Variants in PTPRN2 observed in about 807,000 individuals in gnomAD.
PTPRN2 encodes protein tyrosine phosphatase receptor type N2.
A neutral mutation model predicts 118.8 loss-of-function variants in PTPRN2; 74 were observed. The ratio of observed to expected loss-of-function variants is 0.62; its 90% CI spans 0.52 to 0.76. PTPRN2 has a LOEUF of 0.76. PTPRN2 is among the 30% of genes least tolerant of loss of function. The pLI is 0.00. For synonymous variants in PTPRN2, 641 were observed against 608.0 expected (o/e 1.05, Z -0.80); for missense variants, 1,481 against 1,394.4 (o/e 1.06, Z -0.99).
At chr7:158,217,978 C>G (rs1828072035) in intron 3 of PTPRN2, among the ~76,000 whole-genome samples, 1 of 152,096 alleles carries the variant, frequency 6.6e-6, no homozygotes, top group Non-Finnish European at 1.5e-5. Context: ...ACTGGCATTT[C>G]TGAAAGAGAA....
rs1195535467 is a variant in PTPRN2 at position 157,953,629 on chromosome 7, C to G, written c.1724-54892G>C. 1.3e-5 allele frequency among the ~76,000 whole-genome samples: 2 copies of G among 152,102 alleles called. No individual in the cohort carries two copies. The highest frequency in any genetic ancestry group is 4.8e-5 in the African/African-American group (2 of 41,408). On this transcript the variant is annotated intron_variant, in intron 11 of 22. Transcript: ENST00000389418. The surrounding 1 kb of genome is among the most constrained non-coding windows in gnomAD (Gnocchi z 4.6). ...TGACACTGCCCTGCTTGGACACTCTCTGGACAGGAGACACCTCACCCCTCA... is the reference window on the plus strand; with the variant it reads ...TGACACTGCCCTGCTTGGACACTCTGTGGACAGGAGACACCTCACCCCTCA...
chr7:157,670,038 G>C (rs1259669365), intron 13 of PTPRN2, among the ~76,000 whole-genome samples: 1 of 152,210 alleles, frequency 6.6e-6, no homozygotes, highest in Non-Finnish European at 1.5e-5. Flanking sequence ...CCAGATCACG[G>C]CTCGCTCAGG....
chr7:158,086,108 C>A (rs1282886553), intron 10 of PTPRN2, among the ~76,000 whole-genome samples: 1 of 152,196 alleles, frequency 6.6e-6, no homozygotes, highest in African/African-American at 2.4e-5. Flanking sequence ...CCTTCTCCAC[C>A]AGGCGCTCCT....
intron 3 of PTPRN2, among the ~76,000 whole-genome samples, chr7:158,208,061 T>G (rs564735870): frequency 6.6e-6 from 1 of 152,254 alleles, no homozygotes; most frequent in South Asian, 2.1e-4. Flanking sequence ...AAAGAATTAG[T>G]GAGCTTGAAG....
chr7:158,103,497 A>C (rs1186574493), intron 10 of PTPRN2, among the ~76,000 whole-genome samples: 2 of 152,234 alleles, frequency 1.3e-5, no homozygotes, highest in Non-Finnish European at 2.9e-5. Context: ...GCGATGTCCG[A>C]GGCAGGGCCC....
Position 157,563,948 on chromosome 7 carries a change from C to T in PTPRN2, c.2902+4954G>A, listed in dbSNP as rs534695774. Among the ~76,000 whole-genome samples, 32 of 152,364 alleles carry T rather than the reference C, an allele frequency of 2.1e-4. No individual in the cohort carries two copies. In the Middle Eastern group the frequency reaches 0.02, roughly 97 times the overall value. ...AGGACCACATGCTCCCGCACACGCT[C>T]GAGGCAGCAGGCTCTCTGCTCCATG... On this transcript the variant is annotated intron_variant, in intron 21 of 22. Transcript: ENST00000389418.
intron 22 of PTPRN2, among the ~76,000 whole-genome samples, chr7:157,544,104 G>A (rs546980764): frequency 2.9e-4 from 44 of 152,028 alleles, no homozygotes; most frequent in Admixed American, 9.8e-4. Flanking sequence ...GAGAGGCGGA[G>A]AGAGGTGGAG....
intron 2 of PTPRN2, among the ~76,000 whole-genome samples, chr7:158,477,614 G>A (rs993987806): frequency 6.6e-6 from 1 of 152,132 alleles, no homozygotes. Context: ...AAATAATACC[G>A]AAGTGGGTCA....
chr7:158,570,691 G>A lies in PTPRN2; in HGVS notation c.112+16867C>T, dbSNP rs1247496733. 6.6e-6 allele frequency among the ~76,000 whole-genome samples: 1 copy of A among 152,258 alleles called. No homozygotes were observed. The highest frequency in any genetic ancestry group is 1.5e-5 in the Non-Finnish European group (1 of 68,038). On this transcript the variant is annotated intron_variant, in intron 1 of 22. Transcript: ENST00000389418. This position sits in a 1 kb window ranked among gnomAD's most constrained non-coding sequence, Gnocchi z 4.5. ...CACGTGTATACCGGCTCAGCACGCG[G>A]CTGGGTACGGTTTGCAACGCCGAGA...
chr7:157,790,854 G>A (rs1189240681), intron 12 of PTPRN2, among the ~76,000 whole-genome samples: 1 of 152,092 alleles, frequency 6.6e-6, no homozygotes, highest in Non-Finnish European at 1.5e-5. Context: ...TTCTCTGCTC[G>A]GGTGAAGCTC....
chr7:157,651,556 CG>C (rs1563304479), intron 14 of PTPRN2, among the ~76,000 whole-genome samples: 1 of 152,152 alleles, frequency 6.6e-6, no homozygotes, highest in Non-Finnish European at 1.5e-5. Flanking sequence ...CCGACTCAGG[CG>C]TAATTAGTCA....
intron 11 of PTPRN2, among the ~76,000 whole-genome samples, chr7:157,927,208 C>T (rs371348634): frequency 1.8e-4 from 13 of 70,344 alleles, no homozygotes; most frequent in Admixed American, 7.8e-4. Context: ...ACCCCAAAGA[C>T]AGGAAGCCCC....
chr7:158,143,695 G>A (rs975876640), intron 6 of PTPRN2, among the ~76,000 whole-genome samples: 6 of 152,178 alleles, frequency 3.9e-5, no homozygotes, highest in African/African-American at 1.4e-4. Context: ...CCTGACCAGA[G>A]GCCTCGTCTG....
chr7:157,781,405 G>GT (rs1803672831), intron 12 of PTPRN2, among the ~76,000 whole-genome samples: 1 of 133,334 alleles, frequency 7.5e-6, no homozygotes, highest in South Asian at 2.3e-4. Flanking sequence ...CAACATGCGT[G>GT]CCCTTCTTCT....
intron 22 of PTPRN2, among the ~76,000 whole-genome samples, chr7:157,548,669 C>A (rs540715367): frequency 1.3e-5 from 2 of 152,256 alleles, no homozygotes; most frequent in South Asian, 2.1e-4. Flanking sequence ...GTTCTCCCCC[C>A]ACCCCCAAAT....
At chr7:158,154,992 C>T (rs73514465) in intron 6 of PTPRN2, among the ~76,000 whole-genome samples, 24 of 152,320 alleles carry the variant, frequency 1.6e-4, no homozygotes, top group African/African-American at 5.1e-4. Context: ...GGCGGCAGCA[C>T]AGAGCACAGA....
In PTPRN2 at chr7:158,519,278, C is replaced by A. The variant is rs78139467; in HGVS notation, c.113-29493G>T. 5.6e-3 allele frequency among the ~76,000 whole-genome samples: 850 copies of A among 152,328 alleles called. 12 individuals are homozygous for A. The highest frequency in any genetic ancestry group is 0.019 in the African/African-American group (810 of 41,558). ...GTGCTGACACTGTCCTGCCAGCCAGCACATCTCCTCATTTTATGAAGTCGG... is the reference window on the plus strand; with the variant it reads ...GTGCTGACACTGTCCTGCCAGCCAGAACATCTCCTCATTTTATGAAGTCGG... On this transcript the variant is annotated intron_variant, in intron 1 of 22. Coordinates refer to ENST00000389418, the MANE Select transcript of PTPRN2 (RefSeq NM_002847.5).
chr7:158,327,425 T>TCA (rs35201439), intron 2 of PTPRN2, among the ~76,000 whole-genome samples: 1 of 149,512 alleles, frequency 6.7e-6, no homozygotes, highest in Non-Finnish European at 1.5e-5. Context: ...GTACACGTTC[T>TCA]CACACACATT....
Position 158,538,772 on chromosome 7 carries a change from C to G in PTPRN2, c.112+48786G>C, listed in dbSNP as rs147222195. ...GAAGAGGAACTCAGGTCCGTGAACACCTGCCTCGTGCAGGGCCCTGACTCC... is the reference window on the plus strand; with the variant it reads ...GAAGAGGAACTCAGGTCCGTGAACAGCTGCCTCGTGCAGGGCCCTGACTCC... On this transcript the variant is annotated intron_variant, in intron 1 of 22. Transcript: ENST00000389418. Among the ~76,000 whole-genome samples, 1,480 of 152,318 alleles carry G rather than the reference C, an allele frequency of 9.7e-3. 20 individuals are homozygous for G. The highest frequency in any genetic ancestry group is 0.013 in the Non-Finnish European group (876 of 68,026).
Sources: allele counts gnomAD v4.1 joint callset (sites outside exome capture counted in the v4.1 genomes callset), GRCh38; gene constraint gnomAD v4.1.1; non-coding constraint Gnocchi (gnomAD v3.1); transcripts MANE v1.5; gene names NCBI Gene and HGNC (gene_info 2026-07-23, HGNC 2026-07-21).